GALK2: variants seen among roughly 807,000 people sequenced by gnomAD.
The protein encoded by GALK2 is galactokinase 2.
GALK2 carries 36 observed loss-of-function variants against 52.4 expected under a neutral mutation model. The observed-to-expected ratio is 0.69, with a 90% confidence interval of 0.53 to 0.91. GALK2 has a LOEUF of 0.91. Among genes scored for constraint, GALK2 ranks in the 40% least tolerant of loss-of-function variants. The pLI is 0.00. For missense variants in GALK2, 579 were observed against 559.1 expected, an observed-to-expected ratio of 1.04 and a Z score of -0.36; for synonymous variants, 176 against 199.1, an observed-to-expected ratio of 0.88 and a Z score of 0.98.
At chr15:49,335,389 A>T, downstream of GALK2, 1 of 1,426,544 alleles carries the variant, frequency 7.0e-7, no homozygotes, top group Non-Finnish European at 9.9e-7. Context: ...GTATTATTTT[A>T]TATTTAACAA....
chr15:49,170,933 GAAA>G (rs1381883015), intron 1 of GALK2, among the ~76,000 whole-genome samples: 1 of 152,104 alleles, frequency 6.6e-6, no homozygotes, highest in Non-Finnish European at 1.5e-5. Flanking sequence ...GTACTTTGTA[GAAA>G]TACTTCGTTC....
chr15:49,233,488 C>T (rs1250217021), intron 3 of GALK2, among the ~76,000 whole-genome samples: 1 of 152,184 alleles, frequency 6.6e-6, no homozygotes, highest in African/African-American at 2.4e-5. Context: ...TACATATGTG[C>T]AACTATCCTC....
At chr15:49,223,540 C>T (rs1290895571) in intron 3 of GALK2, among the ~76,000 whole-genome samples, 1 of 152,158 alleles carries the variant, frequency 6.6e-6, no homozygotes, top group African/African-American at 2.4e-5. Context: ...CTCCCTACTG[C>T]CCCCGCCATT....
chr15:49,282,528 C>G (rs1054678749), intron 6 of GALK2, among the ~76,000 whole-genome samples: 1 of 152,048 alleles, frequency 6.6e-6, no homozygotes, highest in African/African-American at 2.4e-5. Context: ...ATAATTTACT[C>G]TTTGGTATCA....
chr15:49,279,569 A>G (rs1380400809), intron 5 of GALK2, among the ~76,000 whole-genome samples: 1 of 152,218 alleles, frequency 6.6e-6, no homozygotes. Flanking sequence ...AATGGGGATA[A>G]GCAGAACTTT....
intron 5 of GALK2, among the ~76,000 whole-genome samples, chr15:49,271,803 G>A (rs1457383987): frequency 6.6e-6 from 1 of 152,174 alleles, no homozygotes; most frequent in Non-Finnish European, 1.5e-5. Flanking sequence ...TCTGGGTTGC[G>A]AAACAATTAA....
chr15:49,225,163 C>T (rs79725090), intron 3 of GALK2: 19,688 of 454,878 alleles, frequency 0.043, 894 homozygotes, highest in African/African-American at 0.15. Flanking sequence ...GAGGAAGCCG[C>T]CTCTGATCAC....
intron 3 of GALK2, among the ~76,000 whole-genome samples, chr15:49,352,422 G>T (rs1306510633): frequency 6.6e-6 from 1 of 152,180 alleles, no homozygotes; most frequent in African/African-American, 2.4e-5. Flanking sequence ...ATCTGCCATA[G>T]GACTTATGTT....
At chr15:49,257,465 AAATATCTCTGG>A (rs1415439181) in intron 5 of GALK2, among the ~76,000 whole-genome samples, 2 of 152,216 alleles carry the variant, frequency 1.3e-5, no homozygotes, top group Non-Finnish European at 2.9e-5. Context: ...CTAAAGGCAT[AAATATCTCTGG>A]ATGCATGTGG....
At chr15:49,351,507 G>C (rs1336088010) in intron 3 of GALK2, among the ~76,000 whole-genome samples, 1 of 152,084 alleles carries the variant, frequency 6.6e-6, no homozygotes, top group Non-Finnish European at 1.5e-5. Context: ...TCGACTATTG[G>C]AGATCTACAA....
At chr15:49,272,777 A>G (rs746432309) in intron 5 of GALK2, among the ~76,000 whole-genome samples, 20 of 152,152 alleles carry the variant, frequency 1.3e-4, no homozygotes, top group Non-Finnish European at 2.9e-4. Context: ...TATCATAGAC[A>G]TTTCCCCAGG....
In GALK2 at chr15:49,274,160, G is replaced by A. The variant is rs541877684; in HGVS notation, c.505-7827G>A. ...TGCATTGCTTAACAATGGGGTAATG[G>A]ACTGAGAAATGTGCTGTTAGGTGAT... On this transcript the variant is annotated intron_variant, in intron 5 of 9. Coordinates refer to ENST00000560031, the MANE Select transcript of GALK2 (RefSeq NM_002044.4). Among the ~76,000 whole-genome samples the A allele has an allele frequency of 5.9e-5, 9 of 152,264 alleles. No homozygotes were observed. The South Asian group carries it at 1.9e-3, about 32-fold the overall frequency.
downstream of GALK2, chr15:49,335,494 A>G (rs887845099): frequency 1.2e-6 from 2 of 1,612,024 alleles, no homozygotes; most frequent in African/African-American, 2.7e-5. Flanking sequence ...TGGAGCAGGT[A>G]GTGTGCTAGG....
intron 1 of GALK2, among the ~76,000 whole-genome samples, chr15:49,187,248 C>T (rs2086422907): frequency 6.6e-6 from 1 of 152,146 alleles, no homozygotes; most frequent in Admixed American, 6.5e-5. Context: ...CCTGGATTAC[C>T]AGGCAGAGTC....
intron 5 of GALK2, among the ~76,000 whole-genome samples, chr15:49,261,155 G>A (rs1336236718): frequency 1.3e-5 from 2 of 149,094 alleles, no homozygotes; most frequent in African/African-American, 5.0e-5. Context: ...AATTACCTTG[G>A]GCAGTATGGC....
chr15:49,219,274 A>G (rs1468082273), intron 3 of GALK2, among the ~76,000 whole-genome samples: 1 of 152,176 alleles, frequency 6.6e-6, no homozygotes. Flanking sequence ...TTCTTGTGAT[A>G]ATGAATAAGT....
At chr15:49,267,382 T>C (rs1317697102) in intron 5 of GALK2, among the ~76,000 whole-genome samples, 1 of 152,144 alleles carries the variant, frequency 6.6e-6, no homozygotes, top group African/African-American at 2.4e-5. Flanking sequence ...GAGGGTGGGG[T>C]GTTCTCACTA....
intron 6 of GALK2, 97 bp downstream of exon 6, chr15:49,282,182 G>T: frequency 1.3e-6 from 1 of 795,868 alleles, no homozygotes; most frequent in Non-Finnish European, 2.1e-6. Flanking sequence ...CTTGGTTATG[G>T]ACAGCCTACT....
At chr15:49,276,396 A>G (rs1272754586) in intron 5 of GALK2, among the ~76,000 whole-genome samples, 2 of 152,150 alleles carry the variant, frequency 1.3e-5, no homozygotes, top group Non-Finnish European at 2.9e-5. Context: ...TGCTAAAGAG[A>G]ATGGTGTTCC....
Sources: gnomAD v4.1 joint callset for allele counts (sites outside exome capture counted in the v4.1 genomes callset) on GRCh38, gnomAD v4.1.1 for gene constraint, MANE v1.5 for transcripts, NCBI Gene and HGNC (gene_info 2026-07-23, HGNC 2026-07-21) for gene names.